CNTNAP2: variants seen among roughly 807,000 people sequenced by gnomAD.
CNTNAP2 encodes contactin-associated protein-like 2.
In CNTNAP2, 98 loss-of-function variants were observed where a neutral mutation model predicts 155.2. The observed-to-expected ratio is 0.63, with a 90% CI of 0.54 to 0.75. The LOEUF is 0.75. Among genes scored for constraint, CNTNAP2 ranks in the 30% least tolerant of loss-of-function variants. The probability of loss-of-function intolerance (pLI) is 0.00; values close to 1 mark genes in which losing one functional copy is unlikely to be tolerated. For synonymous variants in CNTNAP2, 651 were observed against 631.2 expected (o/e 1.03, Z -0.47); for missense variants, 1,727 against 1,688.1 (o/e 1.02, Z -0.40).
At chr7:147,715,944 C>A (rs1407620088) in intron 13 of CNTNAP2, among the ~76,000 whole-genome samples, 1 of 152,092 alleles carries the variant, frequency 6.6e-6, no homozygotes, top group African/African-American at 2.4e-5. Context: ...ATCATTGCAT[C>A]GTCATTTATT....
chr7:147,202,898 A>G (rs1332860102), intron 8 of CNTNAP2, among the ~76,000 whole-genome samples: 2 of 151,566 alleles, frequency 1.3e-5, no homozygotes, highest in South Asian at 2.1e-4. Flanking sequence ...GGAATAGATC[A>G]ATATTGTTAT....
chr7:146,831,271 G>A (rs925296312), intron 2 of CNTNAP2, among the ~76,000 whole-genome samples: 1 of 151,944 alleles, frequency 6.6e-6, no homozygotes. Context: ...TTTAGTTTTT[G>A]ACTATCTTTC....
intron 13 of CNTNAP2, among the ~76,000 whole-genome samples, chr7:147,666,624 A>T (rs980167261): frequency 2.6e-5 from 4 of 152,204 alleles, no homozygotes; most frequent in Admixed American, 6.5e-5. Flanking sequence ...CAGCAGCCTC[A>T]TACATCCCAT....
intron 9 of CNTNAP2, among the ~76,000 whole-genome samples, chr7:147,313,213 C>T (rs1192555049): frequency 6.6e-6 from 1 of 152,042 alleles, no homozygotes; most frequent in African/African-American, 2.4e-5. Flanking sequence ...TTTGTAGGTT[C>T]CCATCCCACT....
chr7:146,787,686 G>A lies in CNTNAP2; in HGVS notation c.208+13305G>A, dbSNP rs185993590. ...GTACCCGAGCAGGTTGTCACTGCTG[G>A]CTGGGGTGGCCTGCTTTTCTTCCCT... On this transcript the variant is annotated intron_variant, in intron 2 of 23. Transcript: ENST00000361727. Among the ~76,000 whole-genome samples the A allele has an allele frequency of 3.5e-4, 54 of 152,282 alleles. 1 individual carries two copies. Among genetic ancestry groups the A allele is most frequent in the African/African-American group, 1.3e-3 (53 of 41,554 alleles).
chr7:146,187,493 C>T (rs1798641164), intron 1 of CNTNAP2, among the ~76,000 whole-genome samples: 1 of 152,314 alleles, frequency 6.6e-6, no homozygotes, highest in South Asian at 2.1e-4. Context: ...CAAAACTATA[C>T]ATTATCACAG....
intron 1 of CNTNAP2, among the ~76,000 whole-genome samples, chr7:146,271,544 A>T (rs1047698214): frequency 6.6e-6 from 1 of 151,836 alleles, no homozygotes; most frequent in African/African-American, 2.4e-5. Flanking sequence ...TATACGGTTT[A>T]TTCACTCATA....
intron 8 of CNTNAP2, among the ~76,000 whole-genome samples, chr7:147,159,184 G>T (rs1056138303): frequency 6.6e-6 from 1 of 152,066 alleles, no homozygotes; most frequent in Non-Finnish European, 1.5e-5. Context: ...AGAGCAGAAA[G>T]GGCTTACATG....
At chr7:147,899,053 A>C (rs145549815) in intron 13 of CNTNAP2, among the ~76,000 whole-genome samples, 36 of 151,578 alleles carry the variant, frequency 2.4e-4, no homozygotes, top group African/African-American at 8.5e-4. Context: ...AAAGTAGTCA[A>C]ATCCAGCTGA....
intron 15 of CNTNAP2, among the ~76,000 whole-genome samples, chr7:148,025,785 A>G (rs1204003439): frequency 6.6e-6 from 1 of 152,234 alleles, no homozygotes; most frequent in African/African-American, 2.4e-5. Context: ...AAATTCATTT[A>G]TCTCATCTTA....
At chr7:148,252,511 G>C (rs1796380668) in intron 20 of CNTNAP2, among the ~76,000 whole-genome samples, 1 of 152,178 alleles carries the variant, frequency 6.6e-6, no homozygotes, top group Non-Finnish European at 1.5e-5. Flanking sequence ...ATGAAGCTCA[G>C]CACTTCCTTT....
chr7:148,163,925 ATTTTG>A (rs527900970), intron 17 of CNTNAP2, among the ~76,000 whole-genome samples: 1 of 152,038 alleles, frequency 6.6e-6, no homozygotes, highest in South Asian at 2.1e-4. Context: ...CACCACAGGT[ATTTTG>A]TTTTGTTTTG....
At chr7:147,055,715 C>A (rs900882680) in intron 4 of CNTNAP2, among the ~76,000 whole-genome samples, 2 of 152,092 alleles carry the variant, frequency 1.3e-5, no homozygotes, top group Non-Finnish European at 2.9e-5. Context: ...AGTGGTCTTC[C>A]CCCTGGTTCC....
chr7:148,300,653 G>C (rs1330867919), intron 21 of CNTNAP2, among the ~76,000 whole-genome samples: 2 of 150,360 alleles, frequency 1.3e-5, no homozygotes, highest in Non-Finnish European at 2.9e-5. Flanking sequence ...ATTCACAATA[G>C]CAAAAAGGTG....
At chr7:146,478,931 A>T (rs1796919668) in intron 1 of CNTNAP2, among the ~76,000 whole-genome samples, 1 of 152,204 alleles carries the variant, frequency 6.6e-6, no homozygotes, top group Non-Finnish European at 1.5e-5. Context: ...TACAACAAAT[A>T]GGACCGATTA....
intron 8 of CNTNAP2, among the ~76,000 whole-genome samples, chr7:147,268,929 A>G (rs900658047): frequency 9.2e-5 from 14 of 152,342 alleles, no homozygotes; most frequent in African/African-American, 3.1e-4. Context: ...AAAACTACAA[A>G]TAAAGTACTA....
intron 13 of CNTNAP2, among the ~76,000 whole-genome samples, chr7:147,748,942 A>T (rs1563075643): frequency 6.6e-6 from 1 of 152,044 alleles, no homozygotes. Flanking sequence ...AACAAGACAT[A>T]AGTCATCTAC....
At chr7:146,246,055 C>T (rs899755169) in intron 1 of CNTNAP2, among the ~76,000 whole-genome samples, 1 of 151,840 alleles carries the variant, frequency 6.6e-6, no homozygotes, top group African/African-American at 2.4e-5. Context: ...AGTTTATAGG[C>T]TTTAAAAGGC....
chr7:148,346,949 C>G (rs1419274978), intron 21 of CNTNAP2, among the ~76,000 whole-genome samples: 1 of 151,848 alleles, frequency 6.6e-6, no homozygotes, highest in East Asian at 1.9e-4. Context: ...CTCCCAAAGA[C>G]AGCAAAGAGA....
Sources: gnomAD v4.1 joint callset for allele counts (sites outside exome capture counted in the v4.1 genomes callset) on GRCh38, gnomAD v4.1.1 for gene constraint, MANE v1.5 for transcripts, NCBI Gene and HGNC (gene_info 2026-07-23, HGNC 2026-07-21) for gene names.